The following ZBED6 variants were observed in gnomAD, a reference collection of about 807,000 sequenced individuals.
ZBED6 encodes the protein zinc finger BED domain-containing protein 6.
A neutral mutation model predicts 58.4 loss-of-function variants in ZBED6; 40 were observed. The observed-to-expected ratio is 0.68, with a 90% CI of 0.53 to 0.89. The LOEUF is 0.89. Ranked by LOEUF, ZBED6 falls within the 40% of genes least tolerant of loss-of-function variation. ZBED6 has a pLI of 0.00. For synonymous variants in ZBED6, 439 were observed against 350.6 expected (o/e 1.25, Z -2.82); for missense variants, 1,057 against 1,003.9 (o/e 1.05, Z -0.71).
chr1:203,850,561 A>G, exon 15 of ZBED6: 1 of 1,614,008 alleles, frequency 6.2e-7, no homozygotes, highest in Non-Finnish European at 8.5e-7. Flanking sequence ...AAGTTGTGTC[A>G]TCCCCCAAAT....
intron 16 of ZBED6, 43 bp from the exon 17 acceptor site, chr1:203,852,098 T>G: frequency 1.2e-6 from 2 of 1,611,406 alleles, no homozygotes; most frequent in Non-Finnish European, 1.7e-6. Flanking sequence ...CAGCCAACTA[T>G]TTTTAAAACG....
At chr1:203,841,092 CAGAG>C (rs538860323) in intron 11 of ZBED6, among the ~76,000 whole-genome samples, 5 of 151,044 alleles carry the variant, frequency 3.3e-5, no homozygotes, top group Admixed American at 3.3e-4. Flanking sequence ...AGAAAGATAA[CAGAG>C]AGCACATACC....
intron 3 of ZBED6, among the ~76,000 whole-genome samples, chr1:203,821,067 A>G (rs1678500326): frequency 6.6e-6 from 1 of 152,030 alleles, no homozygotes; most frequent in Non-Finnish European, 1.5e-5. Flanking sequence ...CGTAATCCCC[A>G]TGTGTTAAGG....
At chr1:203,821,435 T>C (rs1678664921) in intron 3 of ZBED6, among the ~76,000 whole-genome samples, 1 of 152,206 alleles carries the variant, frequency 6.6e-6, no homozygotes, top group Non-Finnish European at 1.5e-5. Flanking sequence ...ATTACTTTTA[T>C]GCTCCGATTG....
At chr1:203,848,662 C>T (rs931758410) in intron 13 of ZBED6, among the ~76,000 whole-genome samples, 8 of 152,198 alleles carry the variant, frequency 5.3e-5, no homozygotes, top group East Asian at 1.9e-4. Context: ...CTGAGGCGGG[C>T]GGATCACGAG....
At chr1:203,818,237 TAG>T (rs1677028090) in intron 2 of ZBED6, among the ~76,000 whole-genome samples, 1 of 152,154 alleles carries the variant, frequency 6.6e-6, no homozygotes, top group Admixed American at 6.5e-5. Context: ...CATCAAAAGC[TAG>T]AGTTACACAA....
chr1:203,800,140 A>G, exon 1 of ZBED6: 1 of 1,534,924 alleles, frequency 6.5e-7, no homozygotes. Flanking sequence ...TACTTCAAAG[A>G]GAAGTATTCA....
chr1:203,801,082 T>G (rs7511676), exon 1 of ZBED6: 20,123 of 152,212 alleles, frequency 0.13, 1,508 homozygotes, highest in Non-Finnish European at 0.15. Flanking sequence ...AAATATACTT[T>G]TAGTCTTTGA....
In ZBED6 at chr1:203,845,590, C is replaced by T. The variant is rs141209529; in HGVS notation, c.*3742-1594C>T. ...TTCAGTTGAAACTAACCAGGCCTGG[C>T]GTGGTGGCTCACGCCTGTAATCCCA... On this transcript the variant is annotated intron_variant, in intron 11 of 16. Coordinates refer to ENST00000550078, the Ensembl canonical transcript of ZBED6. Among the ~76,000 whole-genome samples, 544 of 152,260 alleles carry T rather than the reference C, an allele frequency of 3.6e-3. 2 individuals carry two copies. The highest frequency in any genetic ancestry group is 0.031 in the Middle Eastern group (9 of 294).
At chr1:203,840,729 G>T (rs1360445637) in intron 11 of ZBED6, among the ~76,000 whole-genome samples, 2 of 151,898 alleles carry the variant, frequency 1.3e-5, no homozygotes, top group African/African-American at 4.8e-5. Context: ...CACCTCCTGG[G>T]TTCAAGCAAT....
chr1:203,852,286 G>A, exon 17 of ZBED6: 1 of 1,613,674 alleles, frequency 6.2e-7, no homozygotes. Flanking sequence ...GGATGATTTT[G>A]AGAAACTAAT....
At chr1:203,816,314 A>G (rs550908341) in intron 1 of ZBED6, among the ~76,000 whole-genome samples, 1 of 152,290 alleles carries the variant, frequency 6.6e-6, no homozygotes, top group East Asian at 1.9e-4. Context: ...ATATACATAC[A>G]TATATACATA....
chr1:203,835,849 T>C (rs1251132737), intron 9 of ZBED6: 5 of 234,140 alleles, frequency 2.1e-5, no homozygotes, highest in Admixed American at 9.0e-5. Context: ...ATGTGCTCCC[T>C]TTTTTTCCGG....
intron 15 of ZBED6, 112 bp from the exon 16 acceptor site, chr1:203,850,945 C>T: frequency 7.6e-7 from 1 of 1,318,902 alleles, no homozygotes; most frequent in Non-Finnish European, 1.1e-6. Flanking sequence ...TTCTTAGATT[C>T]ACAGGCTTAA....
intron 1 of ZBED6, among the ~76,000 whole-genome samples, chr1:203,812,945 C>A (rs1487022716): frequency 6.6e-6 from 1 of 152,170 alleles, no homozygotes; most frequent in Non-Finnish European, 1.5e-5. Flanking sequence ...GGCAAGATTT[C>A]AAATGCTTAT....
intron 3 of ZBED6, among the ~76,000 whole-genome samples, chr1:203,826,502 A>G (rs1442843694): frequency 6.6e-6 from 1 of 152,178 alleles, no homozygotes; most frequent in Non-Finnish European, 1.5e-5. Context: ...GATGTGGAGC[A>G]AATTTACATT....
chr1:203,833,925 CT>C, intron 9 of ZBED6, 72 bp downstream of exon 9: 1 of 1,529,318 alleles, frequency 6.5e-7, no homozygotes, highest in Non-Finnish European at 8.8e-7. Flanking sequence ...TCTCCAAACT[CT>C]TTTTATACAG....
At chr1:203,804,674 CTTT>C (rs35042121) in intron 1 of ZBED6, among the ~76,000 whole-genome samples, 4 of 137,626 alleles carry the variant, frequency 2.9e-5, no homozygotes, top group African/African-American at 2.7e-5. Context: ...TTTGCCTCAT[CTTT>C]TTTTTTTTTT....
At chr1:203,807,791 G>C (rs1308035404) in intron 1 of ZBED6, among the ~76,000 whole-genome samples, 1 of 152,006 alleles carries the variant, frequency 6.6e-6, no homozygotes, top group Non-Finnish European at 1.5e-5. Flanking sequence ...GCGCAGACCA[G>C]AGTGCAGTGG....
Sources: allele counts gnomAD v4.1 joint callset (sites outside exome capture counted in the v4.1 genomes callset), GRCh38; gene constraint gnomAD v4.1.1; transcripts MANE v1.5; gene names NCBI Gene and HGNC (gene_info 2026-07-23, HGNC 2026-07-21).